The following TGFBR3 variants were observed in gnomAD, a reference collection of about 807,000 sequenced individuals.
The protein encoded by TGFBR3 is transforming growth factor beta receptor type 3.
Under a neutral mutation model 87.9 loss-of-function variants are expected in TGFBR3, and 46 were observed. That is an observed-to-expected ratio of 0.52 (90% CI 0.41 to 0.67). TGFBR3 has a LOEUF of 0.67. Among genes scored for constraint, TGFBR3 ranks in the 30% least tolerant of loss-of-function variants. TGFBR3 has a pLI of 0.00. For missense variants in TGFBR3, 866 were observed against 1,041.9 expected (o/e 0.83, Z 2.32); for synonymous variants, 381 against 391.6 (o/e 0.97, Z 0.32).
intron 4 of TGFBR3, among the ~76,000 whole-genome samples, chr1:91,745,310 A>G (rs1673303677): frequency 6.6e-6 from 1 of 152,220 alleles, no homozygotes; most frequent in Admixed American, 6.5e-5. Context: ...CTGCTTAGGA[A>G]AATAGAAAGA....
upstream of TGFBR3, among the ~76,000 whole-genome samples, chr1:91,890,336 C>T (rs936697015): frequency 7.1e-6 from 1 of 141,590 alleles, no homozygotes; most frequent in African/African-American, 2.6e-5. Context: ...GTCTGCTAAT[C>T]AGACTTTCTT....
rs1343371282 is a variant in TGFBR3, at chr1:91,682,748, A to G, written c.*991T>C. ...TGGAAACACTCACCCTACCAAATAT[A>G]CTTAAGTTGCAACTCTAAAAGCATA... On this transcript the variant is annotated 3_prime_UTR_variant, in exon 17 of 17. Transcript: ENST00000212355. 1.3e-5 allele frequency: 6 copies of G among 454,044 alleles called. No homozygotes were observed. Among genetic ancestry groups the G allele is most frequent in the Non-Finnish European group, 2.6e-5 (6 of 226,780 alleles). 28.1% of individuals were successfully genotyped at this position (454,044 alleles called of 1,614,324 possible). A position where few individuals can be genotyped will look rare whatever the true frequency, so the allele number is the denominator to read the frequency against.
At chr1:91,899,646 T>A (rs1259983891) in exon 2 of TGFBR3, 2 of 152,238 alleles carry the variant, frequency 1.3e-5, no homozygotes, top group Non-Finnish European at 2.9e-5. Flanking sequence ...CCACCAAAGA[T>A]CTACACACAA....
At chr1:91,854,595 AT>A (rs1444353258) in intron 2 of TGFBR3, among the ~76,000 whole-genome samples, 3 of 152,224 alleles carry the variant, frequency 2.0e-5, no homozygotes, top group Non-Finnish European at 4.4e-5. Flanking sequence ...AAGAGAGTAT[AT>A]TTTAAGTGTT....
At chr1:91,871,244 G>T (rs1386625411) in intron 1 of TGFBR3, among the ~76,000 whole-genome samples, 1 of 152,226 alleles carries the variant, frequency 6.6e-6, no homozygotes, top group East Asian at 1.9e-4. Flanking sequence ...ACCAGGCCCT[G>T]CATGGACACT....
chr1:91,877,781 A>C (rs1178375884), intron 1 of TGFBR3, among the ~76,000 whole-genome samples: 2 of 152,226 alleles, frequency 1.3e-5, no homozygotes, highest in Non-Finnish European at 2.9e-5. Context: ...GCTCAAAGAC[A>C]AGTGTCTTTA....
intron 1 of TGFBR3, among the ~76,000 whole-genome samples, chr1:91,868,381 G>C (rs747052447): frequency 3.9e-5 from 6 of 152,084 alleles, no homozygotes; most frequent in Non-Finnish European, 7.4e-5. Flanking sequence ...TTATCATCTA[G>C]AATTTCAAAA....
upstream of TGFBR3, among the ~76,000 whole-genome samples, chr1:91,888,726 T>C (rs1368709545): frequency 6.6e-6 from 1 of 152,084 alleles, no homozygotes; most frequent in Non-Finnish European, 1.5e-5. Context: ...ATTAAATGTA[T>C]CAATCATGTT....
chr1:91,704,933 C>A (rs1671745264), intron 14 of TGFBR3, among the ~76,000 whole-genome samples: 1 of 152,190 alleles, frequency 6.6e-6, no homozygotes. Context: ...CAGCTCTCTG[C>A]CCAGCTGTGA....
Position 91,719,911 on chromosome 1 carries a change from T to C in TGFBR3, c.1395A>G (p.Val465=). ...CACCGACCTGAAAAGAATCTTTTTCTACAGCCACGATCATCTTCTCATTGT... is the reference window on the plus strand; with the variant it reads ...CACCGACCTGAAAAGAATCTTTTTCCACAGCCACGATCATCTTCTCATTGT... The part of the protein sequence containing the change: ...KCDNEKMIVA[V]EKDSFQASGY... The change falls in exon 9 of 17, where the codon GTA becomes GTG. Residue 465 remains valine (V), a synonymous_variant. Coordinates refer to ENST00000212355, the MANE Select transcript of TGFBR3 (RefSeq NM_003243.5). The C allele has an allele frequency of 6.2e-7, 1 of 1,614,230 alleles. No individual in the cohort carries two copies. The highest frequency in any genetic ancestry group is 1.1e-5 in the South Asian group (1 of 91,088).
chr1:91,883,961 T>C (rs1390929997), intron 1 of TGFBR3, among the ~76,000 whole-genome samples: 1 of 152,172 alleles, frequency 6.6e-6, no homozygotes, highest in Non-Finnish European at 1.5e-5. Context: ...CCCCAAGCTG[T>C]TTCCTAAGGA....
intron 3 of TGFBR3, among the ~76,000 whole-genome samples, chr1:91,769,849 A>G (rs185356983): frequency 2.6e-5 from 4 of 152,282 alleles, no homozygotes; most frequent in Middle Eastern, 3.4e-3. Flanking sequence ...GGATCACCAC[A>G]GCAACCAGAC....
intron 2 of TGFBR3, among the ~76,000 whole-genome samples, chr1:91,854,667 C>T (rs1038174204): frequency 6.6e-6 from 1 of 152,136 alleles, no homozygotes; most frequent in Non-Finnish European, 1.5e-5. Context: ...TTGATTTACT[C>T]ACCACAATGT....
chr1:91,781,976 T>C (rs61781086), intron 3 of TGFBR3, among the ~76,000 whole-genome samples: 9,167 of 152,238 alleles, frequency 0.06, 296 homozygotes, highest in African/African-American at 0.076. Context: ...AGAAAAATAA[T>C]TGTTCACAAT....
At chr1:91,888,243 G>A (rs1264766546), upstream of TGFBR3, among the ~76,000 whole-genome samples, 1 of 152,210 alleles carries the variant, frequency 6.6e-6, no homozygotes, top group East Asian at 1.9e-4. Context: ...CAGCCATGTG[G>A]AACTGTAAGT....
chr1:91,886,664 G>T (rs1167520197), upstream of TGFBR3, among the ~76,000 whole-genome samples: 1 of 152,138 alleles, frequency 6.6e-6, no homozygotes, highest in Non-Finnish European at 1.5e-5. Flanking sequence ...GCTCCCCCAT[G>T]CACACATTCA....
intron 4 of TGFBR3, among the ~76,000 whole-genome samples, chr1:91,737,517 G>C (rs1368481224): frequency 1.3e-5 from 2 of 152,018 alleles, no homozygotes; most frequent in African/African-American, 4.8e-5. Context: ...CTGACTCCTG[G>C]TCACAGCTGG....
chr1:91,806,396 C>T (rs1675828094), intron 2 of TGFBR3, among the ~76,000 whole-genome samples: 1 of 152,186 alleles, frequency 6.6e-6, no homozygotes, highest in Non-Finnish European at 1.5e-5. Context: ...GATGCATTTG[C>T]TGCACAGACT....
At chr1:91,800,146 C>G (rs71650466) in intron 2 of TGFBR3, among the ~76,000 whole-genome samples, 36,186 of 150,264 alleles carry the variant, frequency 0.24, 5,565 homozygotes, top group Middle Eastern at 0.35. Flanking sequence ...AACACCAACA[C>G]TTTGGAAGGC....
Sources: gnomAD v4.1 joint callset for allele counts (sites outside exome capture counted in the v4.1 genomes callset) on GRCh38, gnomAD v4.1.1 for gene constraint, MANE v1.5 for transcripts, NCBI Gene and HGNC (gene_info 2026-07-23, HGNC 2026-07-21) for gene names.